Variants in KRT2 observed in about 807,000 individuals in gnomAD.
The protein encoded by KRT2 is keratin 2.
A neutral mutation model predicts 48.5 loss-of-function variants in KRT2; 37 were observed. That is an observed-to-expected ratio of 0.76 (90% CI 0.59 to 1.00). The LOEUF is 1.00. Among genes scored for constraint, KRT2 ranks in the 50% least tolerant of loss-of-function variants. The probability of loss-of-function intolerance (pLI) is 0.00; values close to 1 mark genes in which losing one functional copy is unlikely to be tolerated. For missense variants in KRT2, 880 were observed against 815.2 expected, an observed-to-expected ratio of 1.08 and a Z score of -0.97; for synonymous variants, 324 against 312.2, an observed-to-expected ratio of 1.04 and a Z score of -0.40.
At position 52,645,181 on chromosome 12, in the gene KRT2, T is replaced by C; in HGVS notation, c.1758A>G (p.Gly586=). 6.2e-7 allele frequency: 1 copy of C among 1,613,810 alleles called. No homozygotes were observed. Among genetic ancestry groups the C allele is most frequent in the South Asian group, 1.1e-5 (1 of 91,040 alleles). Residue 586 remains glycine, a synonymous_variant, in exon 9 of 9, where the codon GGA becomes GGG. Coordinates refer to ENST00000309680, the MANE Select transcript of KRT2 (RefSeq NM_000423.3). The part of the protein sequence containing the change: ...GGGSKGGSIS[G]GGYGSGGGKH... ...TTCCACCTCCAGAGCCATATCCTCC[T>C]CCAGAGATGGACCCTCCCTTAGAGC...
chr12:52,648,962 G>A (rs767680290), intron 4 of KRT2, 45 bp downstream of exon 4: 10 of 1,200,546 alleles, frequency 8.3e-6, no homozygotes, highest in African/African-American at 6.0e-5. Flanking sequence ...TTCATTTGGT[G>A]AGAAGGGTGG....
chr12:52,645,606 C>A lies in KRT2; in HGVS notation c.1470-37G>T, dbSNP rs762765381. The A allele has an allele frequency of 3.7e-6, 6 of 1,608,362 alleles. No individual in the cohort carries two copies. The East Asian group carries it at 1.1e-4, about 30-fold the overall frequency. On this transcript the variant is annotated intron_variant, in intron 7 of 8. Transcript: ENST00000309680. ...AGAGAAAAAACAAGTTGTGGTGGAACACTTAGGTTCTGTATGCATGTTGTT... is the reference window on the plus strand; with the variant it reads ...AGAGAAAAAACAAGTTGTGGTGGAAAACTTAGGTTCTGTATGCATGTTGTT...
intron 5 of KRT2, 66 bp from the exon 6 acceptor site, chr12:52,647,921 G>A: frequency 6.3e-7 from 1 of 1,599,094 alleles, no homozygotes. Flanking sequence ...CAGACTGACT[G>A]GAGTGAAGGA....
Position 52,651,842 on chromosome 12 carries a change from T to TGCTGCCGCCTCCAAAGCC in KRT2, c.300_301insGGCTTTGGAGGCGGCAGC (p.Gly95_Ser100dup), listed in dbSNP as rs1555169882. 189 of 1,595,374 alleles carry TGCTGCCGCCTCCAAAGCC rather than the reference T, an allele frequency of 1.2e-4. No homozygotes were observed. The highest frequency in any genetic ancestry group is 1.7e-4 in the Middle Eastern group (1 of 6,054). ...CTGAAGCCGCTGCCACCTCCAAAGCTGCTGCCGCCTCCAAAACCACCTCCT... is the reference window on the plus strand; with the variant it reads ...CTGAAGCCGCTGCCACCTCCAAAGCTGCTGCCGCCTCCAAAGCCGCTGCCGCCTCCAAAACCACCTCCT... On this transcript the variant is annotated inframe_insertion, in exon 1 of 9. Coordinates refer to ENST00000309680, the MANE Select transcript of KRT2 (RefSeq NM_000423.3).
chr12:52,650,627 C>T, intron 1 of KRT2, 74 bp from the exon 2 acceptor site: 2 of 1,260,264 alleles, frequency 1.6e-6, no homozygotes, highest in Non-Finnish European at 2.3e-6. Flanking sequence ...TGGCCAGGGG[C>T]AGCTCAGGTG....
At chr12:52,649,859 T>G (rs1321194334) in intron 3 of KRT2, 55 bp downstream of exon 3, 8 of 1,349,228 alleles carry the variant, frequency 5.9e-6, no homozygotes, top group Admixed American at 5.0e-5. Context: ...TTAGACACAA[T>G]GGGGCTGTGA....
chr12:52,647,900 G>T, intron 5 of KRT2, 45 bp from the exon 6 acceptor site: 1 of 1,613,056 alleles, frequency 6.2e-7, no homozygotes. Flanking sequence ...GTTCCAGCCT[G>T]GCTCACATTC....
In KRT2 at chr12:52,648,208, T is replaced by A. The variant is rs771944038; in HGVS notation, c.1087A>T (p.Ser363Cys). The part of the protein sequence containing the change: ...KAQYEEIAQR[S>C]KEEAEALYHS... ...TACAGGGCCTCCGCTTCTTCCTTGC[T>A]CCTCTGGGCGATCTCCTCATACTGG... Residue 363 changes from serine to cysteine, a missense_variant, in exon 5 of 9, where the codon AGC (serine) becomes TGC (cysteine). Ser to Cys is a moderately radical substitution (Grantham distance 112). Transcript: ENST00000309680. The A allele has an allele frequency of 1.2e-6, 2 of 1,614,200 alleles. No individual in the cohort carries two copies. Among genetic ancestry groups the A allele is most frequent in the East Asian group, 2.2e-5 (1 of 44,882 alleles).
chr12:52,648,107 C>A, intron 5 of KRT2, 66 bp downstream of exon 5: 5 of 1,542,018 alleles, frequency 3.2e-6, no homozygotes, highest in Non-Finnish European at 4.5e-6. Context: ...TGTACACTTT[C>A]CAGCTGGGGG....
Position 52,644,809 on chromosome 12 carries a change from A to C in KRT2, c.*210T>G, listed in dbSNP as rs1235688625. ...ACCTAGACAGCACAGATTCCGCCCC[A>C]GAACACAGAGGCGTCACTGGCTCTA... On this transcript the variant is annotated 3_prime_UTR_variant, in exon 9 of 9. Coordinates refer to ENST00000309680, the MANE Select transcript of KRT2 (RefSeq NM_000423.3). 1 of 618,156 alleles carries C rather than the reference A, an allele frequency of 1.6e-6. No homozygotes were observed. The highest frequency in any genetic ancestry group is 2.8e-5 in the East Asian group (1 of 35,654). 38.3% of individuals were successfully genotyped at this position (618,156 alleles called of 1,614,324 possible). A position where few individuals can be genotyped will look rare whatever the true frequency, so the allele number is the denominator to read the frequency against.
chr12:52,650,242 C>T (rs1592256986), intron 2 of KRT2, 97 bp downstream of exon 2: 7 of 1,062,604 alleles, frequency 6.6e-6, no homozygotes, highest in Non-Finnish European at 1.0e-5. Flanking sequence ...CCCATTACCA[C>T]CACAAATGCA....
chr12:52,649,299 A>C (rs1046343977), intron 3 of KRT2, among the ~76,000 whole-genome samples, 197 bp from the exon 4 acceptor site: 1 of 152,160 alleles, frequency 6.6e-6, no homozygotes, highest in African/African-American at 2.4e-5. Flanking sequence ...GCCTACGTCC[A>C]TGGCTCACAG....
rs1443376475 is a variant in KRT2 at position 52,644,751 on chromosome 12, T to TG, written c.*267dup. On this transcript the variant is annotated 3_prime_UTR_variant, in exon 9 of 9. Transcript: ENST00000309680. Reference sequence around the variant, plus strand: ...AAATGGGCAATGCAAAGAGGCATGGTGGGGGCGGGAATGGGCATGGCTAGA... The same window carrying TG: ...AAATGGGCAATGCAAAGAGGCATGGTGGGGGGCGGGAATGGGCATGGCTAGA... The TG allele has an allele frequency of 3.2e-5, 17 of 526,938 alleles. No individual in the cohort carries two copies. Among genetic ancestry groups the TG allele is most frequent in the Non-Finnish European group, 5.5e-5 (16 of 293,052 alleles). The allele number at this position is 526,938 out of a possible 1,614,324, so 32.6% of individuals were successfully genotyped here. A position where few individuals can be genotyped will look rare whatever the true frequency, so the allele number is the denominator to read the frequency against.
At position 52,645,245 on chromosome 12, in the gene KRT2, G is replaced by A. The variant is rs1365527480; in HGVS notation, c.1694C>T (p.Ser565Phe). Residue 565 changes from serine to phenylalanine, a missense_variant, in exon 9 of 9, where the codon TCT becomes TTT. Physicochemically the swap from Ser to Phe is radical, Grantham distance 155. Transcript: ENST00000309680. ...GGSISGGGYG[S>F]GGGSGGRYGS... ...GTATCTTCCTCCAGAACCACCGCCAGAGCCATATCCTCCTCCAGAGATAGA... is the reference window on the plus strand; with the variant it reads ...GTATCTTCCTCCAGAACCACCGCCAAAGCCATATCCTCCTCCAGAGATAGA... 1 of 1,613,996 alleles carries A rather than the reference G, an allele frequency of 6.2e-7. No individual in the cohort carries two copies. The highest frequency in any genetic ancestry group is 8.5e-7 in the Non-Finnish European group (1 of 1,180,000).
intron 6 of KRT2, among the ~76,000 whole-genome samples, chr12:52,647,392 T>C (rs955275570): frequency 4.6e-5 from 7 of 152,250 alleles, no homozygotes; most frequent in African/African-American, 1.2e-4. Context: ...GCTCAGGGCC[T>C]GTGCTGAGCA....
In KRT2 at chr12:52,650,247, A is replaced by G. The variant is rs899818188; in HGVS notation, c.800+92T>C. 10 of 1,105,566 alleles carry G rather than the reference A, an allele frequency of 9.0e-6. No homozygotes were observed. In the African/African-American group the frequency reaches 1.5e-4, roughly 17 times the overall value. The allele number at this position is 1,105,566 out of a possible 1,614,324, so 68.5% of individuals were successfully genotyped here. On this transcript the variant is annotated intron_variant, in intron 2 of 8. Transcript: ENST00000309680. Reference sequence around the variant, plus strand: ...TATGCCTCTCCCCATTACCACCACAAATGCAACTGGGAGATGAATGGCTTT... The same window carrying G: ...TATGCCTCTCCCCATTACCACCACAGATGCAACTGGGAGATGAATGGCTTT...
chr12:52,650,080 A>G lies in KRT2; in HGVS notation c.801-106T>C, dbSNP rs529534119. 7 of 876,072 alleles carry G rather than the reference A, an allele frequency of 8.0e-6. No homozygotes were observed. The African/African-American group carries it at 1.2e-4, about 14-fold the overall frequency. The allele number at this position is 876,072 out of a possible 1,614,324, so 54.3% of individuals were successfully genotyped here. The stretch of plus-strand genomic sequence containing the variant: ...AAATGCCCCATTCTCTGGGAATATT[A>G]CACACTTTTTAAATATCTAAATTGA... On this transcript the variant is annotated intron_variant, in intron 2 of 8. Coordinates refer to ENST00000309680, the MANE Select transcript of KRT2 (RefSeq NM_000423.3).
rs1348115640 is a variant in KRT2, at chr12:52,647,107, G to A, written c.1249-147C>T. ...GTCGCAAACAACTGTGCTAAGACTT[G>A]CCGCTGTCTCTGGCACATCTTCTTC... On this transcript the variant is annotated intron_variant, in intron 6 of 8. Coordinates refer to ENST00000309680, the MANE Select transcript of KRT2 (RefSeq NM_000423.3). 8.1e-6 allele frequency: 6 copies of A among 743,388 alleles called. No individual in the cohort carries two copies. In the African/African-American group the frequency reaches 8.6e-5, roughly 11 times the overall value. The allele number at this position is 743,388 out of a possible 1,614,324, so 46.0% of individuals were successfully genotyped here.
chr12:52,648,610 A>G (rs974795273), intron 4 of KRT2, among the ~76,000 whole-genome samples: 3 of 152,174 alleles, frequency 2.0e-5, no homozygotes, highest in African/African-American at 7.2e-5. Context: ...GTCCATGGCA[A>G]ATACCTTAAA....
Sources: allele counts gnomAD v4.1 joint callset (sites outside exome capture counted in the v4.1 genomes callset), GRCh38; gene constraint gnomAD v4.1.1; transcripts MANE v1.5; gene names NCBI Gene and HGNC (gene_info 2026-07-23, HGNC 2026-07-21).